The following USF2 variants were observed in gnomAD, a reference collection of about 807,000 sequenced individuals.
The protein encoded by USF2 is upstream stimulatory factor 2.
USF2 carries 16 observed loss-of-function variants against 46.9 expected under a neutral mutation model. That is an observed-to-expected ratio of 0.34 (90% CI 0.23 to 0.52). The LOEUF is 0.52. Among genes scored for constraint, USF2 ranks in the 20% least tolerant of loss-of-function variants. USF2 has a pLI of 0.96. For synonymous variants in USF2, 239 were observed against 194.1 expected, an observed-to-expected ratio of 1.23 and a Z score of -1.92; for missense variants, 411 against 474.0, an observed-to-expected ratio of 0.87 and a Z score of 1.23.
chr19:35,273,807 C>T (rs762659710), intron 7 of USF2, among the ~76,000 whole-genome samples: 8 of 152,330 alleles, frequency 5.3e-5, no homozygotes, highest in Non-Finnish European at 8.8e-5. Context: ...CCTCCGGCCT[C>T]GGCTACAGGC....
At chr19:35,271,040 T>C in intron 6 of USF2, 43 bp from the exon 7 acceptor site, 1 of 1,609,994 alleles carries the variant, frequency 6.2e-7, no homozygotes, top group Non-Finnish European at 8.5e-7. Flanking sequence ...GGCAAACAGC[T>C]CTGCGATAAT....
chr19:35,270,301 G>A (rs2066132147), intron 4 of USF2, 146 bp from the exon 5 acceptor site: 2 of 1,264,992 alleles, frequency 1.6e-6, no homozygotes, highest in Admixed American at 2.8e-5. Context: ...AGGGCTGTTT[G>A]AAACACAGGA....
At position 35,269,581 on chromosome 19, in the gene USF2, G is replaced by T; in HGVS notation, c.110G>T (p.Gly37Val). The stretch of plus-strand genomic sequence containing the variant: ...GTGCCCCGACCCTCCTCGGCCCCAG[G>T]CGGGGACGGCCCAGGAGCGGAGGAG... ...EAEEGVELQE[G>V]GDGPGAEEQT... is the part of the protein sequence containing the mutation. The change falls in exon 3 of 10, where the codon GGC (glycine) becomes GTC (valine). Residue 37 changes from glycine (G) to valine (V), a missense_variant and splice_region_variant. Physicochemically the swap from Gly to Val is moderately radical, Grantham distance 109. Coordinates refer to ENST00000222305, the MANE Select transcript of USF2 (RefSeq NM_003367.4). 1.9e-6 allele frequency: 3 copies of T among 1,584,908 alleles called. No homozygotes were observed. Among genetic ancestry groups the T allele is most frequent in the East Asian group, 2.3e-5 (1 of 43,296 alleles).
At chr19:35,269,746 C>T (rs988096114) in intron 3 of USF2, 47 bp downstream of exon 3, 6 of 1,468,448 alleles carry the variant, frequency 4.1e-6, no homozygotes, top group African/African-American at 1.5e-5. Context: ...GCGGGCGCGC[C>T]GGGAAGGCTC....
chr19:35,270,256 C>T (rs910196163), intron 4 of USF2, 191 bp from the exon 5 acceptor site: 66 of 959,690 alleles, frequency 6.9e-5, no homozygotes, highest in Non-Finnish European at 9.6e-5. Context: ...AACGGATTTG[C>T]TCAGCAAGTG....
At chr19:35,273,418 A>G (rs2066186071) in intron 7 of USF2, among the ~76,000 whole-genome samples, 1 of 151,852 alleles carries the variant, frequency 6.6e-6, no homozygotes, top group Non-Finnish European at 1.5e-5. Context: ...TGCCTTTCCT[A>G]CCCCACTGTT....
chr19:35,269,189 C>G (rs1485795567), intron 1 of USF2, 26 bp downstream of exon 1: 1 of 995,786 alleles, frequency 1.0e-6, no homozygotes, highest in Non-Finnish European at 1.2e-6. Context: ...CGGCCGTGCC[C>G]CCGCGCCCCG....
chr19:35,269,556 G>C, intron 2 of USF2, 25 bp from the exon 3 acceptor site: 1 of 1,565,324 alleles, frequency 6.4e-7, no homozygotes, highest in Non-Finnish European at 8.6e-7. Context: ...GGCCCTGACC[G>C]TGCCCCGACC....
chr19:35,274,809 G>C (rs2066209264), intron 7 of USF2, among the ~76,000 whole-genome samples: 1 of 152,170 alleles, frequency 6.6e-6, no homozygotes, highest in Admixed American at 6.5e-5. Context: ...GAAAAAGATA[G>C]GAAAGGTTGT....
chr19:35,275,092 G>A (rs1012991323), intron 7 of USF2: 16 of 152,148 alleles, frequency 1.1e-4, no homozygotes, highest in African/African-American at 3.1e-4. Flanking sequence ...ATGGAATCTC[G>A]CTCTGTCACA....
chr19:35,277,807 G>A (rs1191910279), intron 7 of USF2: 1 of 152,252 alleles, frequency 6.6e-6, no homozygotes, highest in African/African-American at 2.4e-5. Context: ...AGCCAGGGTT[G>A]GGACAGCCTG....
intron 7 of USF2, among the ~76,000 whole-genome samples, chr19:35,272,843 G>T (rs1416105581): frequency 6.6e-6 from 1 of 152,082 alleles, no homozygotes; most frequent in African/African-American, 2.4e-5. Context: ...TCTGAGCTTG[G>T]TTTTGAGATG....
In USF2 at chr19:35,279,469, G is replaced by A. The variant is rs926437541; in HGVS notation, c.*213G>A. 3.6e-6 allele frequency: 2 copies of A among 553,532 alleles called. No homozygotes were observed. Among genetic ancestry groups the A allele is most frequent in the Non-Finnish European group, 6.0e-6 (2 of 331,156 alleles). 34.3% of individuals were successfully genotyped at this position (553,532 alleles called of 1,614,324 possible). A position where few individuals can be genotyped will look rare whatever the true frequency, so the allele number is the denominator to read the frequency against. On this transcript the variant is annotated 3_prime_UTR_variant, in exon 10 of 10. Transcript: ENST00000222305. ...GAAACGGTATCCTCCCTGCCCATCC[G>A]TCTGTCTGTCGCCCTTCTCCCGGCC...
intron 7 of USF2, among the ~76,000 whole-genome samples, chr19:35,273,304 T>C (rs1208827346): frequency 6.6e-6 from 1 of 152,136 alleles, no homozygotes; most frequent in Admixed American, 6.5e-5. Flanking sequence ...TCCACTGGCC[T>C]CCTTTGCTGT....
Position 35,269,581 on chromosome 19 carries a change from G to A in USF2, c.110G>A (p.Gly37Asp), listed in dbSNP as rs751127602. The change falls in exon 3 of 10, where the codon GGC becomes GAC. Residue 37 changes from glycine (G) to aspartate (D), a missense_variant and splice_region_variant. Transcript: ENST00000222305. ...GTGCCCCGACCCTCCTCGGCCCCAG[G>A]CGGGGACGGCCCAGGAGCGGAGGAG... ...EAEEGVELQE[G>D]GDGPGAEEQT... 5.0e-6 allele frequency: 8 copies of A among 1,584,906 alleles called. No homozygotes were observed. In the African/African-American group the frequency reaches 9.5e-5, roughly 19 times the overall value.
chr19:35,269,698 A>C lies in USF2; in HGVS notation c.227A>C (p.Gln76Pro). 5.4e-6 allele frequency: 4 copies of C among 747,508 alleles called. No individual in the cohort carries two copies. Among genetic ancestry groups the C allele is most frequent in the Non-Finnish European group, 7.0e-6 (4 of 574,874 alleles). The allele number at this position is 747,508 out of a possible 1,614,324, so 46.3% of individuals were successfully genotyped here. Residue 76 changes from glutamine (Q) to proline (P), a missense_variant and splice_region_variant, in exon 3 of 10, where the codon CAG becomes CCG. Physicochemically the swap from Gln to Pro is moderately conservative, Grantham distance 76. Transcript: ENST00000222305. ...YQFRTETNGG[Q>P]VTYRVVQVTD... ...TTCCGCACAGAGACAAATGGAGGAC[A>C]GGTGAGCGGCGGGCCGCGAGGGCGA...
Position 35,279,062 on chromosome 19 carries a change from C to A in USF2, c.939C>A (p.Leu313=), listed in dbSNP as rs994167985. Residue 313 remains leucine (L), a synonymous_variant, in exon 9 of 10, where the codon CTC becomes CTA. Coordinates refer to ENST00000222305, the MANE Select transcript of USF2 (RefSeq NM_003367.4). ...EAERLQMDNE[L]LRQQIEELKN... ...AGCGGCTGCAGATGGACAACGAGCT[C>A]CTGAGGCAGCAGGTGGGTGCGGGGC... 4.4e-6 allele frequency: 7 copies of A among 1,603,606 alleles called. No individual in the cohort carries two copies. Among genetic ancestry groups the A allele is most frequent in the Non-Finnish European group, 5.1e-6 (6 of 1,174,896 alleles).
intron 4 of USF2, 76 bp downstream of exon 4, chr19:35,270,079 C>CG: frequency 1.5e-6 from 2 of 1,324,386 alleles, no homozygotes; most frequent in Non-Finnish European, 1.9e-6. Flanking sequence ...TGGGGAGCCC[C>CG]GGGGGTGGGG....
chr19:35,273,175 C>G (rs763671184), intron 7 of USF2, among the ~76,000 whole-genome samples: 1 of 152,188 alleles, frequency 6.6e-6, no homozygotes, highest in Non-Finnish European at 1.5e-5. Context: ...TCTCCGCTTT[C>G]CTGACTTGCA....
Sources: allele counts gnomAD v4.1 joint callset (sites outside exome capture counted in the v4.1 genomes callset), GRCh38; gene constraint gnomAD v4.1.1; transcripts MANE v1.5; gene names NCBI Gene and HGNC (gene_info 2026-07-23, HGNC 2026-07-21).